MAD1L1: variants seen among roughly 807,000 people sequenced by gnomAD.
The protein encoded by MAD1L1 is mitotic arrest deficient 1 like 1.
In MAD1L1, 95 loss-of-function variants were observed where a neutral mutation model predicts 96.9. That is an observed-to-expected ratio of 0.98 (90% CI 0.83 to 1.16). The LOEUF is 1.16. MAD1L1 is among the 50% of genes most tolerant of loss of function. The pLI is 0.00. For synonymous variants in MAD1L1, 473 were observed against 396.6 expected (o/e 1.19, Z -2.29); for missense variants, 1,007 against 954.4 (o/e 1.06, Z -0.73).
chr7:1,907,704 G>A (rs915426968), intron 17 of MAD1L1, among the ~76,000 whole-genome samples: 16 of 152,364 alleles, frequency 1.1e-4, no homozygotes, highest in African/African-American at 3.8e-4. Flanking sequence ...CCCCGGGTCA[G>A]TGAGACAGTG....
At chr7:2,126,651 G>T (rs539108710) in intron 11 of MAD1L1, among the ~76,000 whole-genome samples, 2 of 152,358 alleles carry the variant, frequency 1.3e-5, no homozygotes, top group South Asian at 4.1e-4. Flanking sequence ...AGTGTGAGGA[G>T]GCCCAGGAGC....
intron 12 of MAD1L1, among the ~76,000 whole-genome samples, chr7:2,018,116 G>A (rs561560356): frequency 1.7e-4 from 26 of 152,246 alleles, no homozygotes; most frequent in African/African-American, 6.0e-4. Context: ...CCCAAGCAGC[G>A]GTCACTTGAG....
At chr7:1,997,373 C>T (rs996398468) in intron 14 of MAD1L1, among the ~76,000 whole-genome samples, 1 of 152,226 alleles carries the variant, frequency 6.6e-6, no homozygotes, top group Admixed American at 6.5e-5. Flanking sequence ...TCCACACAAG[C>T]CCTGAGGGTG....
At chr7:1,834,541 T>G (rs963555564) in intron 18 of MAD1L1, among the ~76,000 whole-genome samples, 9 of 152,112 alleles carry the variant, frequency 5.9e-5, no homozygotes, top group South Asian at 2.1e-4. Flanking sequence ...ATGGACAAAC[T>G]TCTGAAGATA....
intron 18 of MAD1L1, among the ~76,000 whole-genome samples, chr7:1,818,022 T>C (rs1034199018): frequency 6.6e-6 from 1 of 152,062 alleles, no homozygotes. Context: ...TTAGTACATT[T>C]GGCCTTGTCA....
At chr7:2,042,882 TGTCCACGTCCACGTCCAC>T (rs58264394) in intron 12 of MAD1L1, among the ~76,000 whole-genome samples, 2,016 of 151,240 alleles carry the variant, frequency 0.013, 31 homozygotes, top group African/African-American at 0.045. Flanking sequence ...CGCACACACA[TGTCCACGTCCACGTCCAC>T]GTCCACATCC....
At chr7:2,227,530 T>C (rs1477101058) in intron 3 of MAD1L1, among the ~76,000 whole-genome samples, 1 of 151,976 alleles carries the variant, frequency 6.6e-6, no homozygotes, top group Admixed American at 6.6e-5. Flanking sequence ...CAGCCCACAA[T>C]GCACAAGAAA....
At chr7:1,926,097 A>G (rs1264986385) in intron 17 of MAD1L1, among the ~76,000 whole-genome samples, 1 of 152,246 alleles carries the variant, frequency 6.6e-6, no homozygotes, top group Non-Finnish European at 1.5e-5. Flanking sequence ...CCCAGCAGGC[A>G]CGATAAAATC....
At chr7:1,871,283 T>C (rs1351445436) in intron 18 of MAD1L1, among the ~76,000 whole-genome samples, 15 of 47,786 alleles carry the variant, frequency 3.1e-4, no homozygotes, top group Admixed American at 8.4e-4. Flanking sequence ...GCTGAACCCA[T>C]TGTAACACCT....
At chr7:1,867,389 G>A (rs1784827979) in intron 18 of MAD1L1, among the ~76,000 whole-genome samples, 1 of 152,220 alleles carries the variant, frequency 6.6e-6, no homozygotes, top group Non-Finnish European at 1.5e-5. Flanking sequence ...AGCATGGAAG[G>A]CGGCACTGCA....
intron 3 of MAD1L1, among the ~76,000 whole-genome samples, chr7:2,229,763 G>A (rs1013042915): frequency 5.9e-5 from 9 of 152,370 alleles, no homozygotes; most frequent in South Asian, 4.1e-4. Flanking sequence ...CACTCAGGGC[G>A]CTAACAAGGC....
chr7:1,983,146 GCGCGCGCGCACACACACACACA>G (rs1187032183), intron 14 of MAD1L1, among the ~76,000 whole-genome samples: 9 of 130,926 alleles, frequency 6.9e-5, no homozygotes, highest in African/African-American at 1.0e-4. Flanking sequence ...GCGCGCGCGC[GCGCGCGCGCACACACACACACA>G]CACACACACA....
chr7:1,832,820 C>A (rs1782774270), intron 18 of MAD1L1, among the ~76,000 whole-genome samples: 1 of 151,624 alleles, frequency 6.6e-6, no homozygotes, highest in Non-Finnish European at 1.5e-5. Flanking sequence ...GTAGTAGAGA[C>A]AGGGTTTCAC....
chr7:1,897,347 C>T (rs569054457), intron 18 of MAD1L1, among the ~76,000 whole-genome samples: 2 of 152,332 alleles, frequency 1.3e-5, no homozygotes, highest in Non-Finnish European at 2.9e-5. Context: ...CAGGTGGGGC[C>T]CGTCTCTGCC....
At chr7:2,189,640 C>A (rs1386580037) in intron 10 of MAD1L1, among the ~76,000 whole-genome samples, 1 of 152,096 alleles carries the variant, frequency 6.6e-6, no homozygotes. Flanking sequence ...CTAGAGCCAA[C>A]GGGGGAGCAC....
intron 18 of MAD1L1, among the ~76,000 whole-genome samples, chr7:1,855,543 G>A (rs1784205825): frequency 6.7e-6 from 1 of 148,762 alleles, no homozygotes. Flanking sequence ...CACGGCCCGG[G>A]CCCAGCCCAG....
intron 17 of MAD1L1, among the ~76,000 whole-genome samples, chr7:1,908,943 G>C (rs1054342500): frequency 1.3e-5 from 2 of 152,226 alleles, no homozygotes; most frequent in Non-Finnish European, 2.9e-5. Context: ...AGCGGCCCCA[G>C]GGGGTCCTGC....
chr7:1,963,668 C>T (rs1012835923), intron 15 of MAD1L1, among the ~76,000 whole-genome samples: 4 of 152,326 alleles, frequency 2.6e-5, no homozygotes, highest in East Asian at 1.9e-4. Flanking sequence ...GACATGCTTC[C>T]GGAGGCGAGG....
At chr7:2,014,813 C>CA (rs1346284572) in intron 12 of MAD1L1, among the ~76,000 whole-genome samples, 171 bp from the exon 13 acceptor site, 8 of 152,216 alleles carry the variant, frequency 5.3e-5, no homozygotes, top group African/African-American at 1.7e-4. Context: ...AAGAGGGCCC[C>CA]AGAGTTCAGC....
Sources: allele counts gnomAD v4.1 joint callset (sites outside exome capture counted in the v4.1 genomes callset), GRCh38; gene constraint gnomAD v4.1.1; transcripts MANE v1.5; gene names NCBI Gene and HGNC (gene_info 2026-07-23, HGNC 2026-07-21).